The following FSTL5 variants were observed in gnomAD, a reference collection of about 807,000 sequenced individuals.
The protein encoded by FSTL5 is follistatin-related protein 5.
A neutral mutation model predicts 89.1 loss-of-function variants in FSTL5; 62 were observed. The observed-to-expected ratio is 0.70, with a 90% CI of 0.57 to 0.86. The LOEUF (loss-of-function observed/expected upper bound fraction) is 0.86. Ranked by LOEUF, FSTL5 falls within the 40% of genes least tolerant of loss-of-function variation. The pLI is 0.00. For synonymous variants in FSTL5, 383 were observed against 346.2 expected, an observed-to-expected ratio of 1.11 and a Z score of -1.18; for missense variants, 1,057 against 1,001.6, an observed-to-expected ratio of 1.06 and a Z score of -0.75.
chr4:161,582,780 T>C (rs919287388), intron 8 of FSTL5, among the ~76,000 whole-genome samples: 2 of 152,204 alleles, frequency 1.3e-5, no homozygotes, highest in African/African-American at 2.4e-5. Flanking sequence ...ATAATCTTTA[T>C]ATTGTTGTGG....
At position 161,988,199 on chromosome 4, in the gene FSTL5, C is replaced by T. The variant is rs1056754875; in HGVS notation, c.160+45426G>A. On this transcript the variant is annotated intron_variant, in intron 3 of 15. Coordinates refer to ENST00000306100, the MANE Select transcript of FSTL5 (RefSeq NM_020116.5). ...AAGAAGTGCAGGAGTTTTTTTGTCC[C>T]ATCGTATTCAGCAAGATTTATTTGT... 5.3e-5 allele frequency among the ~76,000 whole-genome samples: 8 copies of T among 151,482 alleles called. No individual in the cohort carries two copies. The East Asian group carries it at 1.4e-3, about 26-fold the overall frequency.
At chr4:161,514,660 T>C (rs1490549362) in intron 10 of FSTL5, among the ~76,000 whole-genome samples, 1 of 152,148 alleles carries the variant, frequency 6.6e-6, no homozygotes, top group Non-Finnish European at 1.5e-5. Flanking sequence ...AATATTGAAT[T>C]GTGATTACTA....
At chr4:161,914,336 G>C (rs924263878) in intron 4 of FSTL5, among the ~76,000 whole-genome samples, 1 of 152,124 alleles carries the variant, frequency 6.6e-6, no homozygotes, top group Non-Finnish European at 1.5e-5. Flanking sequence ...AGATAAAATT[G>C]TCTAAGGATT....
At chr4:161,580,008 C>G (rs1733379122) in intron 8 of FSTL5, among the ~76,000 whole-genome samples, 1 of 152,038 alleles carries the variant, frequency 6.6e-6, no homozygotes, top group African/African-American at 2.4e-5. Context: ...ATATTAATTA[C>G]TTTGGACTAA....
At chr4:161,447,431 G>C (rs17041063) in intron 15 of FSTL5, among the ~76,000 whole-genome samples, 12,234 of 152,060 alleles carry the variant, frequency 0.08, 688 homozygotes, top group South Asian at 0.2. Context: ...AGAGGTGCAG[G>C]TCTATTTTGT....
intron 2 of FSTL5, among the ~76,000 whole-genome samples, chr4:162,052,200 G>GA (rs1578988545): frequency 6.6e-6 from 1 of 150,954 alleles, no homozygotes; most frequent in Non-Finnish European, 1.5e-5. Flanking sequence ...ATACATTTCT[G>GA]AAAAAACACA....
chr4:161,556,496 C>A (rs990048144), intron 8 of FSTL5, among the ~76,000 whole-genome samples: 29 of 151,496 alleles, frequency 1.9e-4, no homozygotes, highest in Non-Finnish European at 3.0e-4. Flanking sequence ...CAAGCTATAA[C>A]TGACTAGCTC....
intron 8 of FSTL5, among the ~76,000 whole-genome samples, chr4:161,557,511 C>A (rs569078556): frequency 1.3e-5 from 2 of 151,670 alleles, no homozygotes; most frequent in East Asian, 3.9e-4. Flanking sequence ...TAAATTGCTA[C>A]AAAATTTTAG....
Position 161,995,125 on chromosome 4 carries a change from A to T in FSTL5, c.160+38500T>A, listed in dbSNP as rs1234251554. Among the ~76,000 whole-genome samples the T allele has an allele frequency of 2.6e-5, 4 of 152,248 alleles. 1 individual carries two copies. The South Asian group carries it at 8.3e-4, about 32-fold the overall frequency. ...ATGGCTAGCCAGATTTCAGGTTATT[A>T]ATAGAGGTGTACTCTGATAGAATGC... On this transcript the variant is annotated intron_variant, in intron 3 of 15. Coordinates refer to ENST00000306100, the MANE Select transcript of FSTL5 (RefSeq NM_020116.5).
At chr4:162,146,770 CTCTT>C (rs1443947561) in intron 1 of FSTL5, among the ~76,000 whole-genome samples, 10 of 142,962 alleles carry the variant, frequency 7.0e-5, no homozygotes, top group Non-Finnish European at 1.2e-4. Context: ...CTCTCTCTCT[CTCTT>C]TCTTTCTTTG....
intron 6 of FSTL5, among the ~76,000 whole-genome samples, chr4:161,717,780 T>C (rs1003984571): frequency 2.0e-5 from 3 of 152,222 alleles, no homozygotes; most frequent in Non-Finnish European, 4.4e-5. Flanking sequence ...CATTTTTTGA[T>C]AAAGATGTAA....
intron 4 of FSTL5, among the ~76,000 whole-genome samples, chr4:161,831,009 T>C (rs948388328): frequency 1.3e-5 from 2 of 151,920 alleles, no homozygotes; most frequent in African/African-American, 4.8e-5. Context: ...AACTCAAATG[T>C]TCTCCTAGAA....
In FSTL5 at chr4:161,481,187, G is replaced by A. The variant is rs1412938998; in HGVS notation, c.1459-18C>T. ...ACTTCATCCTGTAATTTAGGAAAGAGAAAATGAAATTTATACCTTAAATTA... is the reference window on the plus strand; with the variant it reads ...ACTTCATCCTGTAATTTAGGAAAGAAAAAATGAAATTTATACCTTAAATTA... On this transcript the variant is annotated intron_variant, in intron 12 of 15. Coordinates refer to ENST00000306100, the MANE Select transcript of FSTL5 (RefSeq NM_020116.5). 1 of 1,583,022 alleles carries A rather than the reference G, an allele frequency of 6.3e-7. No homozygotes were observed. The highest frequency in any genetic ancestry group is 2.3e-5 in the East Asian group (1 of 44,266).
At chr4:162,095,863 A>G (rs1730729877) in intron 2 of FSTL5, among the ~76,000 whole-genome samples, 1 of 151,988 alleles carries the variant, frequency 6.6e-6, no homozygotes, top group Non-Finnish European at 1.5e-5. Context: ...CACACGTTAC[A>G]TGTGTAAGTA....
At chr4:162,061,711 A>T (rs1305415728) in intron 2 of FSTL5, among the ~76,000 whole-genome samples, 1 of 152,114 alleles carries the variant, frequency 6.6e-6, no homozygotes, top group African/African-American at 2.4e-5. Flanking sequence ...TTCTAAACAC[A>T]GGGTCCCATG....
At chr4:161,581,980 C>T (rs370570257) in intron 8 of FSTL5, among the ~76,000 whole-genome samples, 2 of 152,096 alleles carry the variant, frequency 1.3e-5, no homozygotes, top group East Asian at 3.9e-4. Flanking sequence ...AAATGAAATC[C>T]CCTGGTAGAG....
At chr4:161,455,576 C>T (rs919161805) in intron 14 of FSTL5, among the ~76,000 whole-genome samples, 1 of 152,110 alleles carries the variant, frequency 6.6e-6, no homozygotes, top group Non-Finnish European at 1.5e-5. Context: ...TCTTGGAATA[C>T]ATAAAACCAT....
intron 11 of FSTL5, among the ~76,000 whole-genome samples, chr4:161,505,706 A>G (rs373638255): frequency 6.6e-6 from 1 of 152,188 alleles, no homozygotes; most frequent in African/African-American, 2.4e-5. Flanking sequence ...TGTATCACAC[A>G]TGCATATATA....
chr4:161,912,965 C>G lies in FSTL5; in HGVS notation c.409+7439G>C, dbSNP rs140336113. 2.2e-3 allele frequency among the ~76,000 whole-genome samples: 335 copies of G among 152,250 alleles called. 1 individual carries two copies. The highest frequency in any genetic ancestry group is 7.6e-3 in the African/African-American group (316 of 41,554). ...CAAAGAGACTGGTGGCACTTTGCCC[C>G]TGCCCCAGAAATTTGTGGAACTCTG... On this transcript the variant is annotated intron_variant, in intron 4 of 15. Transcript: ENST00000306100.
Sources: allele counts gnomAD v4.1 joint callset (sites outside exome capture counted in the v4.1 genomes callset), GRCh38; gene constraint gnomAD v4.1.1; transcripts MANE v1.5; gene names NCBI Gene and HGNC (gene_info 2026-07-23, HGNC 2026-07-21).